SFI1: variants seen among roughly 807,000 people sequenced by gnomAD.
SFI1 encodes SFI1 centrin binding protein.
Under a neutral mutation model 207.5 loss-of-function variants are expected in SFI1, and 195 were observed. The ratio of observed to expected loss-of-function variants is 0.94; its 90% CI spans 0.84 to 1.06. The LOEUF (loss-of-function observed/expected upper bound fraction) is 1.06. SFI1 is among the 50% of genes least tolerant of loss of function. The pLI is 0.00. For synonymous variants in SFI1, 630 were observed against 598.9 expected (o/e 1.05, Z -0.76); for missense variants, 1,634 against 1,588.0 (o/e 1.03, Z -0.49).
In SFI1 at chr22:31,615,312, G is replaced by T. The variant is rs546724119; in HGVS notation, c.3300+33G>T. 4 of 1,440,908 alleles carry T rather than the reference G, an allele frequency of 2.8e-6. No homozygotes were observed. The African/African-American group carries it at 4.3e-5, about 15-fold the overall frequency. The allele number at this position is 1,440,908 out of a possible 1,614,324, so 89.3% of individuals were successfully genotyped here. On this transcript the variant is annotated intron_variant, in intron 29 of 32. Transcript: ENST00000400288. ...CTCCACCACCAGGCCTGGGCACTGG[G>T]GCTCTCACTCTGGTCTGACTTCTGG...
chr22:31,538,155 A>G (rs2059165605), intron 4 of SFI1, among the ~76,000 whole-genome samples: 1 of 151,988 alleles, frequency 6.6e-6, no homozygotes, highest in Non-Finnish European at 1.5e-5. Context: ...TATTTTTAGT[A>G]GAGACGGGGT....
chr22:31,587,631 T>A (rs2065216716), intron 14 of SFI1: 1 of 154,766 alleles, frequency 6.5e-6, no homozygotes, highest in African/African-American at 2.4e-5. Flanking sequence ...ATAAGATACT[T>A]GAGTATCCAT....
In SFI1 at chr22:31,550,248, C is replaced by T. The variant is rs753956639; in HGVS notation, c.450-6C>T. ...GAAATGCCATTTACTTTTTTTGGCT[C>T]CTCAGGTATTACCTGTACAACCTGA... On this transcript the variant is annotated splice_polypyrimidine_tract_variant and splice_region_variant and intron_variant, in intron 5 of 32. Coordinates refer to ENST00000400288, the MANE Select transcript of SFI1 (RefSeq NM_001007467.3). 1.9e-5 allele frequency: 31 copies of T among 1,611,450 alleles called. No individual in the cohort carries two copies. The highest frequency in any genetic ancestry group is 5.9e-6 in the Non-Finnish European group (7 of 1,178,784).
rs528463423 is a variant in SFI1 at position 31,562,437 on chromosome 22, CAA to C, written c.765+1062_765+1063del. ...GAGTGACTGAGTTGGGGCCCTGTCT[CAA>C]AAAAAAAAAAAAAAAAGAAGTAGAT... On this transcript the variant is annotated intron_variant, in intron 8 of 32. Transcript: ENST00000400288. Among the ~76,000 whole-genome samples, 60 of 99,926 alleles carry C rather than the reference CAA, an allele frequency of 6.0e-4. 1 individual carries two copies. Among genetic ancestry groups the C allele is most frequent in the Admixed American group, 9.6e-4 (9 of 9,368 alleles). The allele number at this position is 99,926 out of a possible 152,430, so 65.6% of individuals were successfully genotyped here.
chr22:31,585,235 C>A, intron 14 of SFI1, 101 bp downstream of exon 14: 1 of 1,006,012 alleles, frequency 9.9e-7, no homozygotes, highest in East Asian at 2.5e-5. Context: ...GAAGTCTTAT[C>A]GTTCTGCTTT....
intron 14 of SFI1, among the ~76,000 whole-genome samples, chr22:31,586,831 T>G (rs765119671): frequency 6.6e-5 from 10 of 152,166 alleles, no homozygotes; most frequent in Admixed American, 2.0e-4. Flanking sequence ...CGTTTTCATC[T>G]CTCACACTGA....
At chr22:31,557,949 G>T (rs2061330670) in intron 7 of SFI1, among the ~76,000 whole-genome samples, 1 of 152,160 alleles carries the variant, frequency 6.6e-6, no homozygotes, top group Admixed American at 6.6e-5. Flanking sequence ...TTGTCCACTG[G>T]TGTCCTGAAT....
intron 1 of SFI1, among the ~76,000 whole-genome samples, chr22:31,498,375 T>C (rs2053122640): frequency 6.6e-6 from 1 of 151,880 alleles, no homozygotes; most frequent in Non-Finnish European, 1.5e-5. Flanking sequence ...GCAAAGTAAA[T>C]TGAAAATGTT....
chr22:31,529,892 C>T (rs2058297250), intron 3 of SFI1, among the ~76,000 whole-genome samples: 1 of 151,974 alleles, frequency 6.6e-6, no homozygotes, highest in East Asian at 1.9e-4. Flanking sequence ...CACCTTTGGC[C>T]GGGTATGGTG....
At chr22:31,582,730 G>A (rs2064499411) in intron 12 of SFI1, among the ~76,000 whole-genome samples, 3 of 151,816 alleles carry the variant, frequency 2.0e-5, no homozygotes, top group African/African-American at 7.3e-5. Flanking sequence ...TCTTTCCTCA[G>A]CCCCTGGAAA....
chr22:31,593,078 G>T (rs2066358929), intron 15 of SFI1, among the ~76,000 whole-genome samples: 1 of 144,640 alleles, frequency 6.9e-6, no homozygotes, highest in Admixed American at 6.7e-5. Context: ...TGGCCGGGCG[G>T]GGGGGCTGAC....
chr22:31,559,798 G>C, intron 7 of SFI1: 1 of 718,946 alleles, frequency 1.4e-6, no homozygotes, highest in Non-Finnish European at 2.6e-6. Context: ...TGGACAAGAA[G>C]CTCCGTGCAG....
At chr22:31,540,312 C>T (rs1181810978) in intron 4 of SFI1, among the ~76,000 whole-genome samples, 2 of 150,782 alleles carry the variant, frequency 1.3e-5, no homozygotes, top group East Asian at 3.9e-4. Flanking sequence ...GAGACAGAGT[C>T]TTACTCTGTC....
At chr22:31,552,344 C>T (rs1413869445) in intron 6 of SFI1, among the ~76,000 whole-genome samples, 3 of 151,138 alleles carry the variant, frequency 2.0e-5, no homozygotes, top group African/African-American at 7.3e-5. Flanking sequence ...CCTCCACCTC[C>T]TGGGTTCAAG....
At chr22:31,569,238 GA>G (rs2062704886) in intron 8 of SFI1, among the ~76,000 whole-genome samples, 1 of 152,078 alleles carries the variant, frequency 6.6e-6, no homozygotes, top group Non-Finnish European at 1.5e-5. Context: ...AGGATGGTGG[GA>G]AAATATAGGA....
At chr22:31,608,532 G>A (rs546697029) in intron 22 of SFI1, among the ~76,000 whole-genome samples, 4 of 152,208 alleles carry the variant, frequency 2.6e-5, no homozygotes, top group Admixed American at 1.3e-4. Context: ...ACATGAATAC[G>A]GCAGGTGTGG....
At chr22:31,522,918 T>G (rs2057447901) in intron 2 of SFI1, among the ~76,000 whole-genome samples, 1 of 152,214 alleles carries the variant, frequency 6.6e-6, no homozygotes, top group Non-Finnish European at 1.5e-5. Context: ...ACTCCCAAAG[T>G]GCTGGGATTA....
At chr22:31,529,105 G>T in intron 3 of SFI1, 1 of 413,822 alleles carries the variant, frequency 2.4e-6, no homozygotes, top group Non-Finnish European at 4.3e-6. Flanking sequence ...GATTCTTCCA[G>T]AAAAAGTCTA....
intron 1 of SFI1, among the ~76,000 whole-genome samples, chr22:31,507,877 C>T (rs1479084618): frequency 6.6e-6 from 1 of 151,982 alleles, no homozygotes; most frequent in Non-Finnish European, 1.5e-5. Flanking sequence ...GAGTTTGAGA[C>T]CAGCCTGGCC....
Sources: gnomAD v4.1 joint callset for allele counts (sites outside exome capture counted in the v4.1 genomes callset) on GRCh38, gnomAD v4.1.1 for gene constraint, MANE v1.5 for transcripts, NCBI Gene and HGNC (gene_info 2026-07-23, HGNC 2026-07-21) for gene names.